Variants in MBNL1 observed in about 807,000 individuals in gnomAD.
MBNL1 encodes the protein muscleblind-like protein 1.
Under a neutral mutation model 42.2 loss-of-function variants are expected in MBNL1, and 8 were observed. The ratio of observed to expected loss-of-function variants is 0.19; its 90% CI spans 0.11 to 0.34. The LOEUF is 0.34. Ranked by LOEUF, MBNL1 falls within the 10% of genes least tolerant of loss-of-function variation. MBNL1 has a pLI of 1.00. For synonymous variants in MBNL1, 169 were observed against 173.9 expected, an observed-to-expected ratio of 0.97 and a Z score of 0.22; for missense variants, 309 against 495.3, an observed-to-expected ratio of 0.62 and a Z score of 3.57.
chr3:152,438,752 C>G (rs953278390), intron 4 of MBNL1, among the ~76,000 whole-genome samples: 1 of 152,154 alleles, frequency 6.6e-6, no homozygotes, highest in Admixed American at 6.5e-5. Context: ...TAGGCTTCAA[C>G]TTTTTCATCG....
intron 2 of MBNL1, among the ~76,000 whole-genome samples, chr3:152,256,724 C>T (rs2035489721): frequency 6.6e-6 from 1 of 152,086 alleles, no homozygotes; most frequent in African/African-American, 2.4e-5. Context: ...TGAAAAGACT[C>T]TTTTTAAATT....
At chr3:152,357,392 A>G (rs2095605906) in intron 2 of MBNL1, among the ~76,000 whole-genome samples, 1 of 152,192 alleles carries the variant, frequency 6.6e-6, no homozygotes, top group African/African-American at 2.4e-5. Context: ...ATTACTTCAA[A>G]TGGCTGTTGT....
At chr3:152,437,951 T>G (rs537281558) in intron 4 of MBNL1, among the ~76,000 whole-genome samples, 1 of 152,260 alleles carries the variant, frequency 6.6e-6, no homozygotes, top group Admixed American at 6.5e-5. Flanking sequence ...TTTTTGTATT[T>G]TCAGTGGAGA....
intron 4 of MBNL1, among the ~76,000 whole-genome samples, chr3:152,440,736 G>A (rs1047973685): frequency 3.9e-5 from 6 of 152,140 alleles, no homozygotes; most frequent in African/African-American, 1.4e-4. Flanking sequence ...TTACAAAGTA[G>A]ATATTTTAAT....
At chr3:152,423,724 C>T (rs1190689122) in intron 3 of MBNL1, among the ~76,000 whole-genome samples, 2 of 152,142 alleles carry the variant, frequency 1.3e-5, no homozygotes. Flanking sequence ...CATTAAAAAG[C>T]TTATCCACCA....
intron 2 of MBNL1, among the ~76,000 whole-genome samples, chr3:152,306,943 T>A (rs1207162762): frequency 6.6e-6 from 1 of 152,198 alleles, no homozygotes; most frequent in Non-Finnish European, 1.5e-5. Flanking sequence ...TTTTTCCTTA[T>A]AGAGAAAACT....
intron 2 of MBNL1, among the ~76,000 whole-genome samples, chr3:152,334,024 A>G (rs1415465661): frequency 3.3e-5 from 5 of 152,232 alleles, no homozygotes; most frequent in Admixed American, 6.5e-5. Flanking sequence ...TGAAAATTAA[A>G]TGGGATAACA....
intron 2 of MBNL1, among the ~76,000 whole-genome samples, chr3:152,365,586 T>G (rs2096303829): frequency 6.6e-6 from 1 of 152,146 alleles, no homozygotes; most frequent in South Asian, 2.1e-4. Context: ...TGTTAAGCAG[T>G]TAATTTTTTT....
chr3:152,277,347 A>G (rs962681453), intron 1 of MBNL1, among the ~76,000 whole-genome samples: 30 of 152,266 alleles, frequency 2.0e-4, no homozygotes, highest in African/African-American at 7.0e-4. Flanking sequence ...CTCTCTTATT[A>G]AAGTCCATGC....
chr3:152,329,929 T>C (rs1002082450), intron 2 of MBNL1, among the ~76,000 whole-genome samples: 13 of 151,926 alleles, frequency 8.6e-5, no homozygotes, highest in Admixed American at 7.2e-4. Context: ...ATTATTTCTA[T>C]GAATTCTCTA....
At chr3:152,253,489 C>G (rs929934182) in intron 2 of MBNL1, among the ~76,000 whole-genome samples, 12 of 152,056 alleles carry the variant, frequency 7.9e-5, no homozygotes, top group African/African-American at 2.9e-4. Context: ...GCATCCCTAC[C>G]AATATGATCA....
chr3:152,350,246 A>T (rs1385331639), intron 2 of MBNL1, among the ~76,000 whole-genome samples: 1 of 152,164 alleles, frequency 6.6e-6, no homozygotes, highest in Non-Finnish European at 1.5e-5. Flanking sequence ...TATAGAGAAG[A>T]CAAGAAATGA....
chr3:152,262,088 T>C (rs536811526), intron 2 of MBNL1, among the ~76,000 whole-genome samples: 2 of 152,332 alleles, frequency 1.3e-5, no homozygotes, highest in Admixed American at 6.5e-5. Flanking sequence ...AAAGACTTAA[T>C]AACTTCTTTA....
At chr3:152,435,196 C>T (rs541346333) in intron 4 of MBNL1, among the ~76,000 whole-genome samples, 6 of 152,100 alleles carry the variant, frequency 3.9e-5, no homozygotes, top group South Asian at 2.1e-4. Flanking sequence ...GCCTTTAATC[C>T]GTCTTGAGTT....
At chr3:152,257,708 A>C (rs2149469531) in intron 2 of MBNL1, among the ~76,000 whole-genome samples, 1 of 152,318 alleles carries the variant, frequency 6.6e-6, no homozygotes, top group Middle Eastern at 3.4e-3. Context: ...ACACGAAGTA[A>C]TGCCTGGAAT....
At chr3:152,397,354 G>A (rs2098007562) in intron 2 of MBNL1, among the ~76,000 whole-genome samples, 4 of 152,090 alleles carry the variant, frequency 2.6e-5, no homozygotes. Flanking sequence ...CTGTCCCTCT[G>A]CTAGCACCCC....
intron 5 of MBNL1, chr3:152,446,789 T>C: frequency 1.3e-6 from 2 of 1,590,676 alleles, no homozygotes; most frequent in South Asian, 2.3e-5. Flanking sequence ...TAGCTTGGCA[T>C]GTAGCTTTAT....
At chr3:152,411,677 A>C (rs988128348) in intron 2 of MBNL1, among the ~76,000 whole-genome samples, 1 of 152,210 alleles carries the variant, frequency 6.6e-6, no homozygotes, top group Admixed American at 6.5e-5. Context: ...TTAGATACCG[A>C]TGAATTTCTG....
intron 9 of MBNL1, among the ~76,000 whole-genome samples, chr3:152,461,797 C>T (rs1295658842): frequency 6.6e-6 from 1 of 152,106 alleles, no homozygotes; most frequent in African/African-American, 2.4e-5. Context: ...TCTATTACAG[C>T]TTAATTCATG....
Sources: allele counts gnomAD v4.1 joint callset (sites outside exome capture counted in the v4.1 genomes callset), GRCh38; gene constraint gnomAD v4.1.1; transcripts MANE v1.5; gene names NCBI Gene and HGNC (gene_info 2026-07-23, HGNC 2026-07-21).